Variants in TMPRSS11F observed in about 807,000 individuals in gnomAD.
TMPRSS11F encodes the protein transmembrane serine protease 11F.
TMPRSS11F carries 47 observed loss-of-function variants against 60.2 expected under a neutral mutation model. The ratio of observed to expected loss-of-function variants is 0.78; its 90% CI spans 0.62 to 1.00. TMPRSS11F has a LOEUF of 1.00. Among genes scored for constraint, TMPRSS11F ranks in the 50% least tolerant of loss-of-function variants. The pLI is 0.00. For synonymous variants in TMPRSS11F, 166 were observed against 167.3 expected, an observed-to-expected ratio of 0.99 and a Z score of 0.06; for missense variants, 519 against 522.9, an observed-to-expected ratio of 0.99 and a Z score of 0.07.
At chr4:68,088,321 T>C (rs1723857814) in intron 3 of TMPRSS11F, among the ~76,000 whole-genome samples, 1 of 150,948 alleles carries the variant, frequency 6.6e-6, no homozygotes, top group Non-Finnish European at 1.5e-5. Context: ...GGTAAAGGGA[T>C]CAATTCAACA....
chr4:68,093,757 T>G (rs1312114440), intron 2 of TMPRSS11F, among the ~76,000 whole-genome samples: 3 of 151,758 alleles, frequency 2.0e-5, no homozygotes, highest in African/African-American at 7.2e-5. Context: ...CAGACACATC[T>G]CAAAAGAAGA....
intron 2 of TMPRSS11F, among the ~76,000 whole-genome samples, chr4:68,097,666 T>C (rs1224395452): frequency 1.3e-5 from 2 of 152,124 alleles, no homozygotes; most frequent in Admixed American, 6.6e-5. Context: ...ATTTTTTTAA[T>C]GGCTAAAATG....
At chr4:68,103,503 T>C (rs1724234689) in intron 1 of TMPRSS11F, among the ~76,000 whole-genome samples, 1 of 152,074 alleles carries the variant, frequency 6.6e-6, no homozygotes, top group Non-Finnish European at 1.5e-5. Flanking sequence ...CTAAGCTCTC[T>C]ACTTTGTTTT....
intron 1 of TMPRSS11F, among the ~76,000 whole-genome samples, chr4:68,108,769 G>C (rs1290331416): frequency 6.6e-6 from 1 of 152,178 alleles, no homozygotes; most frequent in East Asian, 1.9e-4. Context: ...AGGTAGAAAA[G>C]GCTGTGATGT....
intron 1 of TMPRSS11F, among the ~76,000 whole-genome samples, chr4:68,127,891 C>A (rs959294002): frequency 1.3e-5 from 2 of 151,630 alleles, no homozygotes; most frequent in African/African-American, 2.4e-5. Context: ...ACCAATAAAC[C>A]AAAAATTGCT....
At chr4:68,078,476 C>T (rs1455350664) in intron 3 of TMPRSS11F, among the ~76,000 whole-genome samples, 1 of 152,084 alleles carries the variant, frequency 6.6e-6, no homozygotes, top group African/African-American at 2.4e-5. Context: ...GTGTCTCTCT[C>T]ACTCTACACT....
chr4:68,086,197 C>A (rs551963507), intron 3 of TMPRSS11F, among the ~76,000 whole-genome samples: 1 of 152,034 alleles, frequency 6.6e-6, no homozygotes, highest in South Asian at 2.1e-4. Flanking sequence ...AGTGCAATAA[C>A]AATAGAAATC....
At chr4:68,091,401 T>G (rs1289565623) in intron 2 of TMPRSS11F, among the ~76,000 whole-genome samples, 1 of 152,088 alleles carries the variant, frequency 6.6e-6, no homozygotes, top group African/African-American at 2.4e-5. Flanking sequence ...TATTAAGTAC[T>G]TTTTGGTAAT....
intron 9 of TMPRSS11F, among the ~76,000 whole-genome samples, chr4:68,058,074 C>G (rs11729312): frequency 0.9 from 136,995 of 152,186 alleles, 62,806 homozygotes; most frequent in East Asian, 1. Context: ...TGAGCCTAGG[C>G]GGGTGGAGAG....
intron 1 of TMPRSS11F, among the ~76,000 whole-genome samples, chr4:68,110,151 A>G (rs1391093266): frequency 6.6e-6 from 1 of 152,190 alleles, no homozygotes; most frequent in East Asian, 1.9e-4. Flanking sequence ...ATTTCTGGGA[A>G]TACTTGTGGT....
In TMPRSS11F at chr4:68,093,880, A is replaced by G. The variant is rs1382314509; in HGVS notation, c.164-3239T>C. Among the ~76,000 whole-genome samples the G allele has an allele frequency of 4.2e-5, 6 of 143,492 alleles. No homozygotes were observed. The East Asian group carries it at 1.0e-3, about 25-fold the overall frequency. 94.1% of individuals were successfully genotyped at this position (143,492 alleles called of 152,430 possible). On this transcript the variant is annotated intron_variant, in intron 2 of 9. Coordinates refer to ENST00000356291, the MANE Select transcript of TMPRSS11F (RefSeq NM_207407.2). ...TCTCACACCAGTTAGAATGGCAATC[A>G]TTAAAAAGTCAGGAAACAACAGGTG...
intron 1 of TMPRSS11F, among the ~76,000 whole-genome samples, chr4:68,107,896 C>T (rs556904912): frequency 2.7e-4 from 41 of 152,084 alleles, no homozygotes; most frequent in African/African-American, 8.9e-4. Flanking sequence ...GAGATTGTGC[C>T]GCTGCACTCC....
At chr4:68,083,104 C>T (rs1053826273) in intron 3 of TMPRSS11F, among the ~76,000 whole-genome samples, 2 of 152,222 alleles carry the variant, frequency 1.3e-5, no homozygotes, top group Admixed American at 6.5e-5. Context: ...CAACACCACC[C>T]TGCCCAGAGA....
chr4:68,098,824 G>T (rs1397513406), intron 2 of TMPRSS11F, 63 bp downstream of exon 2: 4 of 1,451,726 alleles, frequency 2.8e-6, no homozygotes, highest in African/African-American at 1.4e-5. Context: ...TTATACAACA[G>T]AAAATTTCAA....
chr4:68,094,057 C>T (rs1469124086), intron 2 of TMPRSS11F, among the ~76,000 whole-genome samples: 1 of 128,042 alleles, frequency 7.8e-6, no homozygotes, highest in Admixed American at 7.9e-5. Flanking sequence ...GGGTATATAC[C>T]CAAATGACTA....
chr4:68,090,189 G>A (rs534039393), intron 3 of TMPRSS11F, among the ~76,000 whole-genome samples: 18 of 152,052 alleles, frequency 1.2e-4, no homozygotes, highest in African/African-American at 4.1e-4. Context: ...GCTGATTGTG[G>A]CAACTCTATA....
At chr4:68,059,537 A>G (rs1723113854) in intron 8 of TMPRSS11F, 69 bp from the exon 9 acceptor site, 1 of 1,460,498 alleles carries the variant, frequency 6.8e-7, no homozygotes, top group South Asian at 1.4e-5. Context: ...TAAGACATAG[A>G]AGACACATAA....
At chr4:68,091,503 T>C (rs1723930606) in intron 2 of TMPRSS11F, among the ~76,000 whole-genome samples, 1 of 152,154 alleles carries the variant, frequency 6.6e-6, no homozygotes, top group Non-Finnish European at 1.5e-5. Flanking sequence ...GTTTCAATTC[T>C]ACATCAACTG....
chr4:68,079,393 G>A (rs1723649155), intron 3 of TMPRSS11F, among the ~76,000 whole-genome samples: 1 of 152,122 alleles, frequency 6.6e-6, no homozygotes, highest in African/African-American at 2.4e-5. Flanking sequence ...GTGGGAGACA[G>A]GCAGGTAGGA....
Sources: gnomAD v4.1 joint callset for allele counts (sites outside exome capture counted in the v4.1 genomes callset) on GRCh38, gnomAD v4.1.1 for gene constraint, MANE v1.5 for transcripts, NCBI Gene and HGNC (gene_info 2026-07-23, HGNC 2026-07-21) for gene names.